Variants in FCAR observed in about 807,000 individuals in gnomAD.
The protein encoded by FCAR is Fc alpha receptor, also known as immunoglobulin alpha Fc receptor.
FCAR carries 21 observed loss-of-function variants against 27.1 expected under a neutral mutation model. The observed-to-expected ratio is 0.77, with a 90% CI of 0.55 to 1.11. The LOEUF is 1.11. FCAR is among the 50% of genes most tolerant of loss of function. The pLI is 0.00. For synonymous variants in FCAR, 134 were observed against 135.8 expected, an observed-to-expected ratio of 0.99 and a Z score of 0.09; for missense variants, 404 against 358.4, an observed-to-expected ratio of 1.13 and a Z score of -1.03.
At chr19:54,887,938 C>A (rs1456978462) in intron 3 of FCAR, 69 bp from the exon 4 acceptor site, 3 of 1,247,986 alleles carry the variant, frequency 2.4e-6, no homozygotes, top group Non-Finnish European at 3.3e-6. Flanking sequence ...ATAATAATAA[C>A]AATAATAAGA....
chr19:54,883,873 T>C (rs998344316), intron 2 of FCAR, among the ~76,000 whole-genome samples: 1 of 151,784 alleles, frequency 6.6e-6, no homozygotes, highest in Non-Finnish European at 1.5e-5. Flanking sequence ...AGAAGAATGG[T>C]GTGAACCCGG....
At chr19:54,884,551 G>C (rs587682255) in intron 2 of FCAR, among the ~76,000 whole-genome samples, 8 of 152,204 alleles carry the variant, frequency 5.3e-5, no homozygotes, top group African/African-American at 1.7e-4. Flanking sequence ...AGAATTGCTT[G>C]AACCCGGGAG....
chr19:54,885,244 C>G lies in FCAR; in HGVS notation c.80C>G (p.Pro27Arg). The part of the protein sequence containing the change: ...QRIQAQEGDF[P>R]MPFISAKSSP... ...CTTTCTTTTCTTCCAGGGGACTTTC[C>G]CATGCCTTTCATATCTGCCAAATCG... is the stretch of plus-strand genomic sequence containing the variant. The change falls in exon 3 of 5, where the codon CCC becomes CGC. Residue 27 changes from proline to arginine, a missense_variant. Pro to Arg is a moderately radical substitution (Grantham distance 103, BLOSUM62 -2). Coordinates refer to ENST00000355524, the MANE Select transcript of FCAR (RefSeq NM_002000.4). 1 of 1,612,730 alleles carries G rather than the reference C, an allele frequency of 6.2e-7. No individual in the cohort carries two copies. Among genetic ancestry groups the G allele is most frequent in the Non-Finnish European group, 8.5e-7 (1 of 1,178,982 alleles).
chr19:54,882,868 G>T (rs75624670), intron 2 of FCAR, among the ~76,000 whole-genome samples: 8,809 of 151,866 alleles, frequency 0.058, 281 homozygotes, highest in African/African-American at 0.06. Context: ...CTTTATTTGT[G>T]GCTGAATTTT....
At chr19:54,881,701 T>A (rs959186785) in intron 2 of FCAR, among the ~76,000 whole-genome samples, 6 of 151,602 alleles carry the variant, frequency 4.0e-5, no homozygotes, top group African/African-American at 1.5e-4. Context: ...TGAAACCCCG[T>A]CTCTACTGAA....
chr19:54,885,161 C>A (rs1039623214), intron 2 of FCAR, 74 bp from the exon 3 acceptor site: 4 of 1,334,102 alleles, frequency 3.0e-6, no homozygotes, highest in Non-Finnish European at 4.1e-6. Context: ...TGTATTTTTA[C>A]TTCTCCCACA....
intron 3 of FCAR, among the ~76,000 whole-genome samples, 199 bp downstream of exon 3, chr19:54,885,724 A>G (rs2066682107): frequency 6.6e-6 from 1 of 152,210 alleles, no homozygotes; most frequent in Non-Finnish European, 1.5e-5. Context: ...TTAATGAACA[A>G]ATATCGACAC....
Position 54,889,757 on chromosome 19 carries a change from C to T in FCAR, c.758C>T (p.Thr253Met), listed in dbSNP as rs780089473. The stretch of plus-strand genomic sequence containing the variant: ...CTGGTTGAAAATTGGCACAGCCATA[C>T]GGCACTGAACAAGGAAGCCTCGGCA... ...AILVENWHSH[T>M]ALNKEASADV... The change falls in exon 5 of 5, where the codon ACG becomes ATG. Residue 253 changes from threonine to methionine, a missense_variant. Transcript: ENST00000355524. The T allele has an allele frequency of 7.4e-6, 12 of 1,613,870 alleles. No homozygotes were observed. Among genetic ancestry groups the T allele is most frequent in the African/African-American group, 4.0e-5 (3 of 75,012 alleles).
intron 3 of FCAR, among the ~76,000 whole-genome samples, chr19:54,887,084 G>A (rs2066777126): frequency 6.7e-6 from 1 of 149,724 alleles, no homozygotes. Context: ...GAGAAGCCGA[G>A]ATGGGCAGAT....
At chr19:54,885,177 G>A in intron 2 of FCAR, 58 bp from the exon 3 acceptor site, 1 of 1,443,112 alleles carries the variant, frequency 6.9e-7, no homozygotes, top group South Asian at 1.2e-5. Context: ...CCACAGAGAA[G>A]GAAAGGAATG....
At chr19:54,889,264 T>C (rs1381477090) in intron 4 of FCAR, among the ~76,000 whole-genome samples, 1 of 148,034 alleles carries the variant, frequency 6.8e-6, no homozygotes, top group Non-Finnish European at 1.5e-5. Context: ...TCCCAGCTAC[T>C]TGGGAGGCTG....
Position 54,888,099 on chromosome 19 carries a change from C to A in FCAR, c.454C>A (p.Pro152Thr). 1 of 1,614,076 alleles carries A rather than the reference C, an allele frequency of 6.2e-7. No individual in the cohort carries two copies. The highest frequency in any genetic ancestry group is 1.7e-5 in the Admixed American group (1 of 59,998). ...ISLTCSSAHI[P>T]FDRFSLAKEG... Reference sequence around the variant, plus strand: ...CCTCACGTGCAGCTCAGCACACATCCCATTTGATAGATTTTCACTGGCCAA... The same window carrying A: ...CCTCACGTGCAGCTCAGCACACATCACATTTGATAGATTTTCACTGGCCAA... The change falls in exon 4 of 5, where the codon CCA becomes ACA. Residue 152 changes from proline to threonine, a missense_variant. Pro to Thr is a conservative substitution (Grantham distance 38). Coordinates refer to ENST00000355524, the MANE Select transcript of FCAR (RefSeq NM_002000.4).
Position 54,885,613 on chromosome 19 carries a change from A to G in FCAR, c.361+88A>G, listed in dbSNP as rs987436181. ...TTTTCAAGAAGTTTTAGATTTACAA[A>G]CAAAAAAAAATTGATGATTGCTTCA... On this transcript the variant is annotated intron_variant, in intron 3 of 4. Coordinates refer to ENST00000355524, the MANE Select transcript of FCAR (RefSeq NM_002000.4). 3.8e-6 allele frequency: 4 copies of G among 1,058,182 alleles called. No individual in the cohort carries two copies. In the African/African-American group the frequency reaches 6.5e-5, roughly 17 times the overall value. 65.5% of individuals were successfully genotyped at this position (1,058,182 alleles called of 1,614,324 possible). A position where few individuals can be genotyped will look rare whatever the true frequency, so the allele number is the denominator to read the frequency against.
chr19:54,875,469 C>T, intron 2 of FCAR, 104 bp downstream of exon 2: 1 of 940,450 alleles, frequency 1.1e-6, no homozygotes, highest in Non-Finnish European at 1.7e-6. Flanking sequence ...TTTTAATCCC[C>T]ATTCTAGTTG....
At chr19:54,875,716 T>G (rs111848981) in intron 2 of FCAR, among the ~76,000 whole-genome samples, 45 of 152,308 alleles carry the variant, frequency 3.0e-4, no homozygotes, top group African/African-American at 1.1e-3. Flanking sequence ...CTTCCTCCCG[T>G]CACTTCATTT....
intron 1 of FCAR, among the ~76,000 whole-genome samples, chr19:54,874,893 G>A (rs1425979688): frequency 2.0e-5 from 3 of 152,024 alleles, no homozygotes; most frequent in African/African-American, 2.4e-5. Context: ...CTTCTTGGCC[G>A]GGCGCAGTGG....
Position 54,881,880 on chromosome 19 carries a change from CAAATAAATAAAT to C in FCAR, c.71-3314_71-3303del, listed in dbSNP as rs59590774. Among the ~76,000 whole-genome samples, 576 of 129,514 alleles carry C rather than the reference CAAATAAATAAAT, an allele frequency of 4.4e-3. 7 individuals carry two copies. Among genetic ancestry groups the C allele is most frequent in the Admixed American group, 0.012 (151 of 12,814 alleles). The allele number at this position is 129,514 out of a possible 152,430, so 85.0% of individuals were successfully genotyped here. On this transcript the variant is annotated intron_variant, in intron 2 of 4. Coordinates refer to ENST00000355524, the MANE Select transcript of FCAR (RefSeq NM_002000.4). ...TGGGCGACAGAGCGAGACTCCGTCT[CAAATAAATAAAT>C]AAATAAATAAATAAATAAATAAATA...
chr19:54,884,645 A>T (rs910928445), intron 2 of FCAR, among the ~76,000 whole-genome samples: 2 of 149,570 alleles, frequency 1.3e-5, no homozygotes, highest in Non-Finnish European at 3.0e-5. Context: ...ACAATAAAAA[A>T]TAAAGATGGC....
rs2067049559 is a variant in FCAR, at chr19:54,891,027, C to T, written c.*1164C>T. ...AGGAATACAGGCATGTGTTTCACCTCATTAATTTATTTTTTCACTTAGTTT... is the reference window on the plus strand; with the variant it reads ...AGGAATACAGGCATGTGTTTCACCTTATTAATTTATTTTTTCACTTAGTTT... On this transcript the variant is annotated 3_prime_UTR_variant, in exon 5 of 5. Transcript: ENST00000355524. 6.6e-6 allele frequency: 1 copy of T among 152,176 alleles called. No homozygotes were observed. The highest frequency in any genetic ancestry group is 6.5e-5 in the Admixed American group (1 of 15,272). The allele number at this position is 152,176 out of a possible 1,614,324, so 9.4% of individuals were successfully genotyped here.
Sources: gnomAD v4.1 joint callset for allele counts (sites outside exome capture counted in the v4.1 genomes callset) on GRCh38, gnomAD v4.1.1 for gene constraint, MANE v1.5 for transcripts, NCBI Gene and HGNC (gene_info 2026-07-23, HGNC 2026-07-21) for gene names.